Variants in TAPT1 observed in about 807,000 individuals in gnomAD.
The protein encoded by TAPT1 is transmembrane anterior posterior transformation 1.
Under a neutral mutation model 65.6 loss-of-function variants are expected in TAPT1, and 28 were observed. The ratio of observed to expected loss-of-function variants is 0.43; its 90% CI spans 0.32 to 0.59. The LOEUF (loss-of-function observed/expected upper bound fraction) is 0.59, where lower values mean the gene tolerates loss of function less well. TAPT1 is among the 20% of genes least tolerant of loss of function. The pLI is 0.09. For synonymous variants in TAPT1, 278 were observed against 245.2 expected, an observed-to-expected ratio of 1.13 and a Z score of -1.25; for missense variants, 563 against 679.9, an observed-to-expected ratio of 0.83 and a Z score of 1.91.
At chr4:16,194,690 A>C (rs1437296710) in intron 3 of TAPT1, among the ~76,000 whole-genome samples, 2 of 152,188 alleles carry the variant, frequency 1.3e-5, no homozygotes, top group African/African-American at 4.8e-5. Context: ...CGATATACAC[A>C]TATTGAATTC....
chr4:16,197,812 T>C (rs780628092), intron 3 of TAPT1, among the ~76,000 whole-genome samples: 1 of 152,234 alleles, frequency 6.6e-6, no homozygotes, highest in Non-Finnish European at 1.5e-5. Context: ...AAGATATACA[T>C]AAGTGAATCT....
intron 1 of TAPT1, among the ~76,000 whole-genome samples, chr4:16,218,202 GAGACC>G (rs1751048063): frequency 6.6e-6 from 1 of 152,184 alleles, no homozygotes; most frequent in African/African-American, 2.4e-5. Flanking sequence ...TCAGGAGTTT[GAGACC>G]AGCCTGTCCA....
chr4:16,217,859 T>G (rs1017192509), intron 1 of TAPT1, among the ~76,000 whole-genome samples: 1 of 152,178 alleles, frequency 6.6e-6, no homozygotes, highest in Non-Finnish European at 1.5e-5. Context: ...CTACTCTGTA[T>G]GTGTAGCTAA....
At chr4:16,195,673 A>C (rs1209956029) in intron 3 of TAPT1, among the ~76,000 whole-genome samples, 3 of 152,234 alleles carry the variant, frequency 2.0e-5, no homozygotes, top group Admixed American at 1.3e-4. Context: ...TGGTAACTGT[A>C]CAATTTTACA....
intron 3 of TAPT1, among the ~76,000 whole-genome samples, chr4:16,199,363 TG>T (rs1749901955): frequency 6.6e-6 from 1 of 152,130 alleles, no homozygotes; most frequent in Admixed American, 6.6e-5. Flanking sequence ...TATAAAACTT[TG>T]AAAAAAGAAA....
chr4:16,196,840 A>G (rs1749734848), intron 3 of TAPT1: 1 of 475,750 alleles, frequency 2.1e-6, no homozygotes, highest in Admixed American at 2.4e-5. Context: ...TCTAATAACA[A>G]ATATATTGCT....
chr4:16,216,389 T>C (rs1282933764), intron 1 of TAPT1, among the ~76,000 whole-genome samples: 1 of 152,228 alleles, frequency 6.6e-6, no homozygotes, highest in East Asian at 1.9e-4. Context: ...ATGCTTTGTT[T>C]CCTATAGATT....
Position 16,160,983 on chromosome 4 carries a change from G to C in TAPT1, c.*2325C>G, listed in dbSNP as rs1405564192. On this transcript the variant is annotated 3_prime_UTR_variant, in exon 14 of 14. Coordinates refer to ENST00000405303, the MANE Select transcript of TAPT1 (RefSeq NM_153365.3). Reference sequence around the variant, plus strand: ...TCTGGCCTATCCTGTGCCTTCATTAGATTTTTTTAAAACCAAAGCACTGTC... The same window carrying C: ...TCTGGCCTATCCTGTGCCTTCATTACATTTTTTTAAAACCAAAGCACTGTC... 1 of 152,592 alleles carries C rather than the reference G, an allele frequency of 6.6e-6. No individual in the cohort carries two copies. The highest frequency in any genetic ancestry group is 1.5e-5 in the Non-Finnish European group (1 of 68,028). The allele number at this position is 152,592 out of a possible 1,614,324, so 9.5% of individuals were successfully genotyped here. A position where few individuals can be genotyped will look rare whatever the true frequency, so the allele number is the denominator to read the frequency against.
At chr4:16,222,830 G>A (rs1164561424) in intron 1 of TAPT1, among the ~76,000 whole-genome samples, 1 of 152,164 alleles carries the variant, frequency 6.6e-6, no homozygotes, top group African/African-American at 2.4e-5. Context: ...ATAAGTTGAA[G>A]TTTTAGAAGT....
intron 3 of TAPT1, among the ~76,000 whole-genome samples, chr4:16,193,870 C>G (rs1055128143): frequency 6.6e-6 from 1 of 152,022 alleles, no homozygotes; most frequent in Non-Finnish European, 1.5e-5. Context: ...GAAAATGATA[C>G]GAGCTAAAAG....
At chr4:16,166,864 C>T (rs1747662272) in intron 12 of TAPT1, 71 bp from the exon 13 acceptor site, 2 of 1,485,586 alleles carry the variant, frequency 1.3e-6, no homozygotes, top group Non-Finnish European at 1.9e-6. Flanking sequence ...CATCTACTAC[C>T]ATGGCTAAGG....
At chr4:16,170,493 TCTAACTGAGTCAC>T (rs1199641879) in intron 12 of TAPT1, among the ~76,000 whole-genome samples, 147 bp downstream of exon 12, 2 of 152,258 alleles carry the variant, frequency 1.3e-5, no homozygotes, top group East Asian at 3.8e-4. Flanking sequence ...GCGTAGTTAA[TCTAACTGAGTCAC>T]AAATAAATAC....
At chr4:16,184,812 T>C (rs1353436688) in intron 7 of TAPT1, among the ~76,000 whole-genome samples, 1 of 152,230 alleles carries the variant, frequency 6.6e-6, no homozygotes, top group African/African-American at 2.4e-5. Context: ...TAAAACTAGA[T>C]TGTCCTTTCA....
chr4:16,176,043 CTAT>C (rs1578419639), intron 9 of TAPT1, 73 bp downstream of exon 9: 2 of 661,584 alleles, frequency 3.0e-6, no homozygotes, highest in Non-Finnish European at 4.9e-6. Flanking sequence ...TAACAAACTC[CTAT>C]TATTCTACAA....
chr4:16,217,769 TG>T (rs1389427006), intron 1 of TAPT1, among the ~76,000 whole-genome samples: 1 of 152,190 alleles, frequency 6.6e-6, no homozygotes, highest in Non-Finnish European at 1.5e-5. Flanking sequence ...GTGACAGAAT[TG>T]TTCTGAGACT....
At chr4:16,190,043 C>G (rs1286975608) in intron 4 of TAPT1, 2 of 152,258 alleles carry the variant, frequency 1.3e-5, no homozygotes, top group African/African-American at 4.8e-5. Context: ...CCTAGGCAAC[C>G]TACTTGGTGG....
intron 3 of TAPT1, among the ~76,000 whole-genome samples, chr4:16,193,116 T>C (rs1347411655): frequency 6.6e-6 from 1 of 152,208 alleles, no homozygotes. Flanking sequence ...TAGATATTAA[T>C]TTGGCTGATC....
At chr4:16,173,855 T>G (rs1748159316) in intron 11 of TAPT1, among the ~76,000 whole-genome samples, 2 of 152,232 alleles carry the variant, frequency 1.3e-5, no homozygotes, top group African/African-American at 4.8e-5. Flanking sequence ...CTGGATTAAT[T>G]TATACTTCCA....
At chr4:16,220,133 T>C (rs980355541) in intron 1 of TAPT1, among the ~76,000 whole-genome samples, 17 of 152,262 alleles carry the variant, frequency 1.1e-4, no homozygotes, top group Admixed American at 1.0e-3. Context: ...TGTTAAACAT[T>C]GCTCTCTAGA....
Sources: gnomAD v4.1 joint callset for allele counts (sites outside exome capture counted in the v4.1 genomes callset) on GRCh38, gnomAD v4.1.1 for gene constraint, MANE v1.5 for transcripts, NCBI Gene and HGNC (gene_info 2026-07-23, HGNC 2026-07-21) for gene names.